PREP: variants seen among roughly 807,000 people sequenced by gnomAD.
The protein encoded by PREP is prolyl endopeptidase.
Under a neutral mutation model 87.6 loss-of-function variants are expected in PREP, and 29 were observed. The observed-to-expected ratio is 0.33, with a 90% CI of 0.25 to 0.45. PREP has a LOEUF of 0.45. Among genes scored for constraint, PREP ranks in the 20% least tolerant of loss-of-function variants. The pLI is 1.00. For synonymous variants in PREP, 337 were observed against 328.6 expected (o/e 1.03, Z -0.28); for missense variants, 695 against 886.5 (o/e 0.78, Z 2.74).
intron 11 of PREP, among the ~76,000 whole-genome samples, chr6:105,286,616 TG>T (rs1770192993): frequency 1.3e-5 from 2 of 152,132 alleles, no homozygotes; most frequent in African/African-American, 4.8e-5. Context: ...TTTTAGCAAC[TG>T]GGGAAACCAT....
chr6:105,329,099 G>A (rs1344293087), intron 8 of PREP, 73 bp from the exon 9 acceptor site: 8 of 1,375,556 alleles, frequency 5.8e-6, no homozygotes, highest in Non-Finnish European at 8.2e-6. Flanking sequence ...TTGAGCAACA[G>A]TTCCAGAGCT....
intron 7 of PREP, among the ~76,000 whole-genome samples, chr6:105,348,493 T>C (rs1032778713): frequency 3.3e-5 from 5 of 151,978 alleles, no homozygotes; most frequent in Non-Finnish European, 5.9e-5. Context: ...AGCTCACGGA[T>C]CCTCACACAA....
At chr6:105,373,820 G>A (rs2114709456) in intron 4 of PREP, among the ~76,000 whole-genome samples, 1 of 152,312 alleles carries the variant, frequency 6.6e-6, no homozygotes, top group Admixed American at 6.5e-5. Flanking sequence ...TGAAATATTA[G>A]ATTATATGCC....
chr6:105,325,912 G>A (rs1771141819), intron 9 of PREP, among the ~76,000 whole-genome samples: 1 of 152,188 alleles, frequency 6.6e-6, no homozygotes. Flanking sequence ...ACTTGAGAAG[G>A]AGGCAGGGAG....
At position 105,362,516 on chromosome 6, in the gene PREP, G is replaced by A. The variant is rs1051994777; in HGVS notation, c.717+6387C>T. 1.2e-4 allele frequency among the ~76,000 whole-genome samples: 19 copies of A among 152,306 alleles called. No homozygotes were observed. In the Middle Eastern group the frequency reaches 0.014, roughly 109 times the overall value. The stretch of plus-strand genomic sequence containing the variant: ...TTCTTCCTTGCTGAGAAAAACAAGT[G>A]TTCTGTAAGAAAAGCGATTGATCAA... On this transcript the variant is annotated intron_variant, in intron 6 of 14. Coordinates refer to ENST00000652536, the MANE Select transcript of PREP (RefSeq NM_002726.5).
chr6:105,365,824 G>T (rs1349479589), intron 6 of PREP, among the ~76,000 whole-genome samples: 15 of 151,238 alleles, frequency 9.9e-5, no homozygotes, highest in Admixed American at 9.2e-4. Context: ...ACTAAATAGG[G>T]CCCTGATCCA....
rs767871679 is a variant in PREP at position 105,282,596 on chromosome 6, A to T, written c.1550-14T>A. ...CCAAGATACCACCTACAGTGTGCCAAAGTGGAAGATAGTTAATTAACAAAA... is the reference window on the plus strand; with the variant it reads ...CCAAGATACCACCTACAGTGTGCCATAGTGGAAGATAGTTAATTAACAAAA... On this transcript the variant is annotated splice_polypyrimidine_tract_variant and intron_variant, in intron 12 of 14. Coordinates refer to ENST00000652536, the MANE Select transcript of PREP (RefSeq NM_002726.5). 35 of 1,607,704 alleles carry T rather than the reference A, an allele frequency of 2.2e-5. No homozygotes were observed. The South Asian group carries it at 3.7e-4, about 17-fold the overall frequency.
At chr6:105,302,602 C>G (rs1282724767) in intron 10 of PREP, 1 of 441,524 alleles carries the variant, frequency 2.3e-6, no homozygotes. Flanking sequence ...ACCTCTTGCC[C>G]TTGTAGAATT....
In PREP at chr6:105,277,288, G is replaced by A. The variant is rs538882571; in HGVS notation, c.*856C>T. On this transcript the variant is annotated 3_prime_UTR_variant, in exon 15 of 15. Transcript: ENST00000652536. ...AAGAAATGCTTGGATATATGTATCT[G>A]TTTGTTTGGATAATTTACTCATGTG... is the stretch of plus-strand genomic sequence containing the variant. 7.6e-6 allele frequency among the ~76,000 whole-genome samples: 1 copy of A among 131,832 alleles called. No homozygotes were observed. The highest frequency in any genetic ancestry group is 3.4e-5 in the African/African-American group (1 of 29,602). 86.5% of individuals were successfully genotyped at this position (131,832 alleles called of 152,430 possible). A position where few individuals can be genotyped will look rare whatever the true frequency, so the allele number is the denominator to read the frequency against.
chr6:105,345,275 A>G (rs1182212663), intron 7 of PREP, among the ~76,000 whole-genome samples: 2 of 152,188 alleles, frequency 1.3e-5, no homozygotes, highest in Admixed American at 6.5e-5. Context: ...TTTTTTGCCT[A>G]CCTTCTCTGA....
intron 2 of PREP, among the ~76,000 whole-genome samples, chr6:105,384,074 T>A (rs757570050): frequency 6.6e-6 from 1 of 152,008 alleles, no homozygotes; most frequent in African/African-American, 2.4e-5. Context: ...ACTGTTGGAG[T>A]TGACATCTAT....
intron 11 of PREP, among the ~76,000 whole-genome samples, chr6:105,286,743 C>A (rs189001043): frequency 2.0e-5 from 3 of 151,616 alleles, no homozygotes; most frequent in Non-Finnish European, 4.4e-5. Context: ...CCAACCACAC[C>A]TTATTAGCCA....
chr6:105,381,730 T>C (rs1361565146), intron 2 of PREP, among the ~76,000 whole-genome samples: 1 of 152,200 alleles, frequency 6.6e-6, no homozygotes, highest in African/African-American at 2.4e-5. Flanking sequence ...CTCATGTGCC[T>C]TGACTATTAG....
At chr6:105,279,612 G>A (rs748186705) in intron 14 of PREP, among the ~76,000 whole-genome samples, 3 of 152,178 alleles carry the variant, frequency 2.0e-5, no homozygotes, top group Admixed American at 6.5e-5. Flanking sequence ...TCTGGATGGT[G>A]CTCCATGAGG....
chr6:105,371,460 C>T (rs1033498553), intron 5 of PREP, among the ~76,000 whole-genome samples: 1 of 132,918 alleles, frequency 7.5e-6, no homozygotes, highest in African/African-American at 2.8e-5. Flanking sequence ...GAGATCACGC[C>T]ACTGCACTCC....
At chr6:105,340,908 C>T (rs1159378724) in intron 7 of PREP, among the ~76,000 whole-genome samples, 12 of 152,308 alleles carry the variant, frequency 7.9e-5, no homozygotes, top group South Asian at 4.1e-4. Flanking sequence ...TAGAGACCTA[C>T]GAAGAGACTT....
In PREP at chr6:105,273,346, A is replaced by T. The variant is rs981890156; in HGVS notation, c.*4798T>A. On this transcript the variant is annotated 3_prime_UTR_variant, in exon 15 of 15. Transcript: ENST00000652536. ...TTTAATACATTTACCAGGTTGTGCA[A>T]CCGTTACTGAAATCCAGTTTTAGAA... 3 of 152,184 alleles carry T rather than the reference A, an allele frequency of 2.0e-5. No individual in the cohort carries two copies. Among genetic ancestry groups the T allele is most frequent in the African/African-American group, 7.2e-5 (3 of 41,448 alleles). 9.4% of individuals were successfully genotyped at this position (152,184 alleles called of 1,614,324 possible). A position where few individuals can be genotyped will look rare whatever the true frequency, so the allele number is the denominator to read the frequency against.
intron 8 of PREP, among the ~76,000 whole-genome samples, chr6:105,331,600 C>G (rs972947519): frequency 2.0e-5 from 3 of 152,194 alleles, no homozygotes; most frequent in African/African-American, 7.2e-5. Flanking sequence ...AGTGCTGTAC[C>G]TGGCATGCAG....
At chr6:105,335,205 G>T (rs1297627063) in intron 7 of PREP, among the ~76,000 whole-genome samples, 1 of 152,186 alleles carries the variant, frequency 6.6e-6, no homozygotes, top group South Asian at 2.1e-4. Flanking sequence ...CACAGATGAT[G>T]TTCAGAGAAC....
Sources: gnomAD v4.1 joint callset for allele counts (sites outside exome capture counted in the v4.1 genomes callset) on GRCh38, gnomAD v4.1.1 for gene constraint, MANE v1.5 for transcripts, NCBI Gene and HGNC (gene_info 2026-07-23, HGNC 2026-07-21) for gene names.